PLA2G15: variants seen among roughly 807,000 people sequenced by gnomAD.
PLA2G15 encodes phospholipase A2 group XV, also known as lysosomal phospholipase A and acyltransferase.
A neutral mutation model predicts 40.9 loss-of-function variants in PLA2G15; 20 were observed. The ratio of observed to expected loss-of-function variants is 0.49; its 90% CI spans 0.34 to 0.71. The LOEUF (loss-of-function observed/expected upper bound fraction) is 0.71, where lower values mean the gene tolerates loss of function less well. Ranked by LOEUF, PLA2G15 falls within the 30% of genes least tolerant of loss-of-function variation. The pLI, the probability that PLA2G15 is intolerant of heterozygous loss-of-function variation, is 0.01. For missense variants in PLA2G15, 471 were observed against 541.9 expected, an observed-to-expected ratio of 0.87 and a Z score of 1.30; for synonymous variants, 223 against 228.2, an observed-to-expected ratio of 0.98 and a Z score of 0.21.
intron 1 of PLA2G15, 85 bp downstream of exon 1, chr16:68,245,638 A>C: frequency 3.5e-6 from 5 of 1,432,518 alleles, no homozygotes; most frequent in Non-Finnish European, 4.7e-6. Context: ...CTTCTGTTCC[A>C]GTCACGAAAT....
rs1053183136 is a variant in PLA2G15, at chr16:68,255,597, G to A, written c.503-169G>A. The A allele has an allele frequency of 4.9e-5, 32 of 659,018 alleles. No individual in the cohort carries two copies. The highest frequency in any genetic ancestry group is 8.2e-5 in the Non-Finnish European group (31 of 376,948). The allele number at this position is 659,018 out of a possible 1,614,324, so 40.8% of individuals were successfully genotyped here. A position where few individuals can be genotyped will look rare whatever the true frequency, so the allele number is the denominator to read the frequency against. On this transcript the variant is annotated intron_variant, in intron 4 of 5. Coordinates refer to ENST00000219345, the MANE Select transcript of PLA2G15 (RefSeq NM_012320.4). This position sits in a 1 kb window ranked among gnomAD's most constrained non-coding sequence, Gnocchi z 5.9. ...CCTCTGGGCCTGTGAGCCCTGGGGA[G>A]AAATATAAGGCTTCCTCCCTTCATG...
chr16:68,246,986 C>G (rs1197132563), intron 1 of PLA2G15, among the ~76,000 whole-genome samples: 1 of 152,100 alleles, frequency 6.6e-6, no homozygotes, highest in African/African-American at 2.4e-5. Flanking sequence ...CACAAAATGG[C>G]ACATAGCCAT....
intron 5 of PLA2G15, chr16:68,256,254 A>G (rs1300984331): frequency 4.7e-6 from 2 of 421,094 alleles, no homozygotes; most frequent in South Asian, 3.9e-5. Flanking sequence ...TCCCCACACT[A>G]TTAGCCCCCA....
At chr16:68,247,395 C>T (rs1269561960) in intron 1 of PLA2G15, among the ~76,000 whole-genome samples, 1 of 152,220 alleles carries the variant, frequency 6.6e-6, no homozygotes, top group African/African-American at 2.4e-5. Context: ...AGGCTGTCCC[C>T]TCCCAGTGTT....
rs2042422863 is a variant in PLA2G15, at chr16:68,259,087, A to G, written c.728-59A>G. The G allele has an allele frequency of 1.3e-6, 2 of 1,502,796 alleles. No individual in the cohort carries two copies. Among genetic ancestry groups the G allele is most frequent in the Admixed American group, 1.9e-5 (1 of 52,670 alleles). 93.1% of individuals were successfully genotyped at this position (1,502,796 alleles called of 1,614,324 possible). A position where few individuals can be genotyped will look rare whatever the true frequency, so the allele number is the denominator to read the frequency against. On this transcript the variant is annotated intron_variant, in intron 5 of 5. Transcript: ENST00000219345. This position sits in a 1 kb window ranked among gnomAD's most constrained non-coding sequence, Gnocchi z 6.5. ...GTCTGGCAGGGGCCTGGTGGTGAAC[A>G]TGCTGCCCAACCAGCTGGCATTCCT...
chr16:68,250,294 CAG>C (rs1233287041), intron 2 of PLA2G15: 4 of 367,898 alleles, frequency 1.1e-5, no homozygotes, highest in Admixed American at 3.9e-5. Context: ...TTTTTTGAGA[CAG>C]AGTCTTGCTC....
intron 5 of PLA2G15, chr16:68,256,193 C>T (rs929756170): frequency 1.3e-5 from 7 of 533,020 alleles, no homozygotes; most frequent in East Asian, 3.1e-5. Context: ...TAGGGACATA[C>T]GAATAGAAGC....
At chr16:68,245,586 T>G (rs2042302303) in intron 1 of PLA2G15, 33 bp downstream of exon 1, 1 of 1,550,628 alleles carries the variant, frequency 6.4e-7, no homozygotes, top group Non-Finnish European at 8.7e-7. Flanking sequence ...GATCTGTCGG[T>G]CGGGCGGGAC....
chr16:68,253,909 G>GAACTCCTGGCCTCA (rs1806784999), intron 2 of PLA2G15, among the ~76,000 whole-genome samples: 1 of 151,964 alleles, frequency 6.6e-6, no homozygotes, highest in African/African-American at 2.4e-5. Flanking sequence ...GGCTGGCCTT[G>GAACTCCTGGCCTCA]AACTCCTGGC....
chr16:68,253,788 C>T (rs1214089753), intron 2 of PLA2G15, among the ~76,000 whole-genome samples: 1 of 150,992 alleles, frequency 6.6e-6, no homozygotes, highest in Non-Finnish European at 1.5e-5. Flanking sequence ...ATCCCAGGTG[C>T]AAGTCATCCT....
chr16:68,260,112 T>G lies in PLA2G15; in HGVS notation c.*455T>G. ...CGGCTCCTGGCCCCTCGGGTGACCC[T>G]TCCCACACACCAGCCACAGATAGGC... is the stretch of plus-strand genomic sequence containing the variant. On this transcript the variant is annotated 3_prime_UTR_variant, in exon 6 of 6. Coordinates refer to ENST00000219345, the MANE Select transcript of PLA2G15 (RefSeq NM_012320.4). The G allele has an allele frequency of 6.0e-6, 1 of 166,728 alleles. No individual in the cohort carries two copies. The highest frequency in any genetic ancestry group is 2.4e-5 in the African/African-American group (1 of 41,888). The allele number at this position is 166,728 out of a possible 1,614,324, so 10.3% of individuals were successfully genotyped here. A position where few individuals can be genotyped will look rare whatever the true frequency, so the allele number is the denominator to read the frequency against.
In PLA2G15 at chr16:68,255,955, G is replaced by T; in HGVS notation, c.692G>T (p.Gly231Val). The T allele has an allele frequency of 6.2e-7, 1 of 1,611,772 alleles. No individual in the cohort carries two copies. The highest frequency in any genetic ancestry group is 1.3e-5 in the African/African-American group (1 of 75,010). ...TTCGTGTCACTGGGTGCGCCCTGGG[G>T]GGGCGTGGCCAAGACCCTGCGCGTC... ...RAFVSLGAPW[G>V]GVAKTLRVLA... is the part of the protein sequence containing the mutation. Residue 231 changes from glycine to valine, a missense_variant, in exon 5 of 6, where the codon GGG (glycine) becomes GTG (valine). Gly to Val is a moderately radical substitution (Grantham distance 109). Coordinates refer to ENST00000219345, the MANE Select transcript of PLA2G15 (RefSeq NM_012320.4). This position sits in a 1 kb window ranked among gnomAD's most constrained non-coding sequence, Gnocchi z 5.9.
chr16:68,249,838 C>T (rs1460831206), intron 2 of PLA2G15, among the ~76,000 whole-genome samples: 1 of 152,198 alleles, frequency 6.6e-6, no homozygotes, highest in Non-Finnish European at 1.5e-5. Context: ...GCCACCATGC[C>T]TGGCTAATTT....
rs1383289506 is a variant in PLA2G15 at position 68,245,431 on chromosome 16, G to A, written c.5G>A (p.Gly2Asp). 2 of 1,604,192 alleles carry A rather than the reference G, an allele frequency of 1.2e-6. No individual in the cohort carries two copies. Among genetic ancestry groups the A allele is most frequent in the Non-Finnish European group, 1.7e-6 (2 of 1,179,732 alleles). ...CTGCGGCGACCGTCGTACACCATGG[G>A]CCTCCACCTCCGCCCCTACCGTGTG... is the stretch of plus-strand genomic sequence containing the variant. M[G>D]LHLRPYRVGL... Residue 2 changes from glycine (G) to aspartate (D), a missense_variant, in exon 1 of 6, where the codon GGC (glycine) becomes GAC (aspartate). Physicochemically the swap from Gly to Asp is moderately conservative, Grantham distance 94. Coordinates refer to ENST00000219345, the MANE Select transcript of PLA2G15 (RefSeq NM_012320.4).
At chr16:68,251,943 C>T (rs1313418815) in intron 2 of PLA2G15, among the ~76,000 whole-genome samples, 2 of 151,968 alleles carry the variant, frequency 1.3e-5, no homozygotes, top group African/African-American at 2.4e-5. Flanking sequence ...TTGTGATGCC[C>T]ATTTTGATGA....
chr16:68,250,462 A>G (rs541119546), intron 2 of PLA2G15: 26 of 226,986 alleles, frequency 1.1e-4, no homozygotes, highest in South Asian at 8.7e-4. Flanking sequence ...TAGTAGAGAC[A>G]GGGTTTCACC....
At position 68,259,656 on chromosome 16, in the gene PLA2G15, G is replaced by T; in HGVS notation, c.1238G>T (p.Ter413LeuextTer78). 1 of 1,609,504 alleles carries T rather than the reference G, an allele frequency of 6.2e-7. No individual in the cohort carries two copies. Among genetic ancestry groups the T allele is most frequent in the South Asian group, 1.1e-5 (1 of 90,938 alleles). Residue 413 changes from the stop codon to leucine (L), a stop_lost, in exon 6 of 6, where the codon TGA (stop) becomes TTA (leucine). Transcript: ENST00000219345. This position sits in a 1 kb window ranked among gnomAD's most constrained non-coding sequence, Gnocchi z 6.5. ...AYLKRVLLGP[*>L] ...CTGAAACGTGTGCTCCTTGGGCCCT[G>T]ACTCCTGTGCCACAGGACTCCTGTG...
At chr16:68,257,047 A>G (rs1446790072) in intron 5 of PLA2G15, among the ~76,000 whole-genome samples, 1 of 151,200 alleles carries the variant, frequency 6.6e-6, no homozygotes, top group Non-Finnish European at 1.5e-5. Flanking sequence ...CACCCGGCTA[A>G]TTTTTGTATT....
Position 68,255,134 on chromosome 16 carries a change from C to CTCACAGGCTGTCCCTA in PLA2G15, c.403+97_403+98insTCACAGGCTGTCCCTA. 9.8e-7 allele frequency: 1 copy of CTCACAGGCTGTCCCTA among 1,016,096 alleles called. No homozygotes were observed. Among genetic ancestry groups the CTCACAGGCTGTCCCTA allele is most frequent in the Non-Finnish European group, 1.6e-6 (1 of 643,046 alleles). 62.9% of individuals were successfully genotyped at this position (1,016,096 alleles called of 1,614,324 possible). A position where few individuals can be genotyped will look rare whatever the true frequency, so the allele number is the denominator to read the frequency against. On this transcript the variant is annotated intron_variant, in intron 3 of 5. Coordinates refer to ENST00000219345, the MANE Select transcript of PLA2G15 (RefSeq NM_012320.4). The surrounding 1 kb of genome is among the most constrained non-coding windows in gnomAD (Gnocchi z 5.9). ...GAACTCTGCTGGTTTGTAGGGACAG[C>CTCACAGGCTGTCCCTA]CTGTGAGCTGTCTCTGATCAGCGTG...
Sources: allele counts gnomAD v4.1 joint callset (sites outside exome capture counted in the v4.1 genomes callset), GRCh38; gene constraint gnomAD v4.1.1; non-coding constraint Gnocchi (gnomAD v3.1); transcripts MANE v1.5; gene names NCBI Gene and HGNC (gene_info 2026-07-23, HGNC 2026-07-21).